Variants in RASA3 observed in about 807,000 individuals in gnomAD.
RASA3 encodes the protein RAS p21 protein activator 3, also known as ras GTPase-activating protein 3.
RASA3 carries 73 observed loss-of-function variants against 110.0 expected under a neutral mutation model. That is an observed-to-expected ratio of 0.66 (90% CI 0.55 to 0.81). RASA3 has a LOEUF of 0.81. Ranked by LOEUF, RASA3 falls within the 30% of genes least tolerant of loss-of-function variation. The pLI is 0.00. For missense variants in RASA3, 976 were observed against 1,113.2 expected, an observed-to-expected ratio of 0.88 and a Z score of 1.75; for synonymous variants, 500 against 451.4, an observed-to-expected ratio of 1.11 and a Z score of -1.37.
intron 2 of RASA3, among the ~76,000 whole-genome samples, chr13:114,066,381 G>A (rs2079449626): frequency 6.6e-6 from 1 of 152,228 alleles, no homozygotes; most frequent in African/African-American, 2.4e-5. Flanking sequence ...AGGGGCAGGA[G>A]AGAGGGCCAG....
intron 2 of RASA3, among the ~76,000 whole-genome samples, chr13:114,071,126 G>A (rs2139661741): frequency 6.6e-6 from 1 of 152,272 alleles, no homozygotes; most frequent in Middle Eastern, 3.4e-3. Context: ...TGTGTGTTTT[G>A]GGTTTTTTTG....
At position 114,025,276 on chromosome 13, in the gene RASA3, C is replaced by T. The variant is rs549656842; in HGVS notation, c.604-921G>A. 2.6e-5 allele frequency among the ~76,000 whole-genome samples: 4 copies of T among 152,374 alleles called. No individual in the cohort carries two copies. In the East Asian group the frequency reaches 5.8e-4, roughly 22 times the overall value. ...GATTGGTAAACTGAGGTGAAGATCA[C>T]GCAGGGGCAGTTCTCTGCTTCGGGT... On this transcript the variant is annotated intron_variant, in intron 7 of 23. Coordinates refer to ENST00000334062, the MANE Select transcript of RASA3 (RefSeq NM_007368.4).
chr13:113,996,217 G>C (rs2053253565), intron 21 of RASA3, among the ~76,000 whole-genome samples: 1 of 152,166 alleles, frequency 6.6e-6, no homozygotes, highest in Non-Finnish European at 1.5e-5. Context: ...CCTCCTCCTA[G>C]AGAAGCAGGA....
At chr13:114,061,443 G>C (rs1368133637) in intron 2 of RASA3, among the ~76,000 whole-genome samples, 2 of 152,008 alleles carry the variant, frequency 1.3e-5, no homozygotes, top group Non-Finnish European at 2.9e-5. Flanking sequence ...GGCCAAGGTG[G>C]GTGGATCATG....
intron 7 of RASA3, among the ~76,000 whole-genome samples, 168 bp downstream of exon 7, chr13:114,027,221 G>A (rs1484272559): frequency 6.6e-6 from 1 of 150,434 alleles, no homozygotes; most frequent in African/African-American, 2.4e-5. Context: ...GCCGGCCGGC[G>A]GGGCTCGCTC....
rs112142660 is a variant in RASA3 at position 114,100,403 on chromosome 13, T to A, written c.56-26566A>T. Among the ~76,000 whole-genome samples, 999 of 152,304 alleles carry A rather than the reference T, an allele frequency of 6.6e-3. 12 individuals carry two copies. Among genetic ancestry groups the A allele is most frequent in the African/African-American group, 0.023 (952 of 41,564 alleles). On this transcript the variant is annotated intron_variant, in intron 1 of 23. Coordinates refer to ENST00000334062, the MANE Select transcript of RASA3 (RefSeq NM_007368.4). ...GCGCAACACCCAGGAGCCGCCCGCCTGCAAAGCACTTGGTCAGCGTGGCCT... is the reference window on the plus strand; with the variant it reads ...GCGCAACACCCAGGAGCCGCCCGCCAGCAAAGCACTTGGTCAGCGTGGCCT...
In RASA3 at chr13:114,014,511, G is replaced by T. The variant is rs74116415; in HGVS notation, c.1405+698C>A. ...GAGGCCACAGGACACGCAAGGAAGAGAGGAGCCGGCAGCAAGGCCCTCGCT... is the reference window on the plus strand; with the variant it reads ...GAGGCCACAGGACACGCAAGGAAGATAGGAGCCGGCAGCAAGGCCCTCGCT... On this transcript the variant is annotated intron_variant, in intron 14 of 23. Coordinates refer to ENST00000334062, the MANE Select transcript of RASA3 (RefSeq NM_007368.4). This position sits in a 1 kb window ranked among gnomAD's most constrained non-coding sequence, Gnocchi z 4.5. 4.6e-5 allele frequency among the ~76,000 whole-genome samples: 7 copies of T among 152,306 alleles called. No individual in the cohort carries two copies. In the East Asian group the frequency reaches 1.4e-3, roughly 30 times the overall value.
chr13:114,021,254 C>A (rs1483551084), intron 9 of RASA3, 150 bp downstream of exon 9: 6 of 658,212 alleles, frequency 9.1e-6, no homozygotes, highest in Non-Finnish European at 1.1e-5. Flanking sequence ...AGCCAGAGCT[C>A]GTCAGAGCTA....
chr13:114,009,853 C>T (rs966148807), intron 16 of RASA3, among the ~76,000 whole-genome samples: 35 of 152,238 alleles, frequency 2.3e-4, no homozygotes, highest in African/African-American at 7.5e-4. Flanking sequence ...ATCTCTCGCC[C>T]GTGGGGCATA....
intron 16 of RASA3, 121 bp from the exon 17 acceptor site, chr13:114,009,585 C>T (rs1286570280): frequency 2.2e-5 from 15 of 694,620 alleles, no homozygotes; most frequent in South Asian, 3.4e-5. Context: ...GCAAAGAACC[C>T]GGTGTTACCG....
At chr13:114,121,351 T>C (rs988547681) in intron 1 of RASA3, among the ~76,000 whole-genome samples, 9 of 152,124 alleles carry the variant, frequency 5.9e-5, no homozygotes, top group African/African-American at 2.2e-4. Context: ...ATAAAAATGA[T>C]TAAGAACTGC....
chr13:114,076,460 G>A (rs1371592992), intron 1 of RASA3, among the ~76,000 whole-genome samples: 3 of 151,854 alleles, frequency 2.0e-5, no homozygotes, highest in African/African-American at 4.8e-5. Context: ...CAGGCTTTCC[G>A]AAGGCTCCCA....
At chr13:114,064,803 G>A (rs972100530) in intron 2 of RASA3, among the ~76,000 whole-genome samples, 2 of 152,234 alleles carry the variant, frequency 1.3e-5, no homozygotes, top group Non-Finnish European at 2.9e-5. Flanking sequence ...AGTCAGATGC[G>A]GGATGAATGC....
At chr13:114,043,140 G>A (rs1336689226) in intron 3 of RASA3, among the ~76,000 whole-genome samples, 2 of 152,272 alleles carry the variant, frequency 1.3e-5, no homozygotes, top group South Asian at 2.1e-4. Context: ...CAAACTCAGA[G>A]GGTCTGAGAC....
chr13:113,981,285 C>T (rs1221788249), intron 23 of RASA3, among the ~76,000 whole-genome samples: 1 of 152,234 alleles, frequency 6.6e-6, no homozygotes, highest in African/African-American at 2.4e-5. Context: ...AGAGCTGGCC[C>T]TGCTCCCGGG....
At chr13:114,023,920 G>A (rs374736218) in intron 8 of RASA3, among the ~76,000 whole-genome samples, 2 of 152,174 alleles carry the variant, frequency 1.3e-5, no homozygotes, top group African/African-American at 4.8e-5. Context: ...GCCAGGCGTC[G>A]TGCTGACCCG....
chr13:114,091,263 G>A (rs973155878), intron 1 of RASA3, among the ~76,000 whole-genome samples: 4 of 151,982 alleles, frequency 2.6e-5, no homozygotes, highest in African/African-American at 9.7e-5. Context: ...AAAGGCTTCC[G>A]AGATTTCCCC....
chr13:113,980,066 C>T (rs1448251339), intron 23 of RASA3, among the ~76,000 whole-genome samples: 1 of 135,006 alleles, frequency 7.4e-6, no homozygotes, highest in African/African-American at 2.8e-5. Flanking sequence ...TGTGCACCTC[C>T]TCCCATGTGT....
rs111598929 is a variant in RASA3 at position 114,028,925 on chromosome 13, A to G, written c.449+886T>C. ...CTGGGGCCAGGACCTCTAAAACGGC[A>G]TCATCCTGGGGCCAGGACCTCTAAA... On this transcript the variant is annotated intron_variant, in intron 5 of 23. Coordinates refer to ENST00000334062, the MANE Select transcript of RASA3 (RefSeq NM_007368.4). 3.5e-3 allele frequency among the ~76,000 whole-genome samples: 55 copies of G among 15,546 alleles called. 8 individuals carry two copies. Among genetic ancestry groups the G allele is most frequent in the Non-Finnish European group, 3.7e-3 (33 of 8,966 alleles). 10.2% of individuals were successfully genotyped at this position (15,546 alleles called of 152,430 possible).
Sources: gnomAD v4.1 joint callset for allele counts (sites outside exome capture counted in the v4.1 genomes callset) on GRCh38, gnomAD v4.1.1 for gene constraint, Gnocchi (gnomAD v3.1) non-coding constraint, MANE v1.5 for transcripts, NCBI Gene and HGNC (gene_info 2026-07-23, HGNC 2026-07-21) for gene names.